The following CSGALNACT1 variants were observed in gnomAD, a reference collection of about 807,000 sequenced individuals.
CSGALNACT1 encodes chondroitin sulfate N-acetylgalactosaminyltransferase 1, also known as beta4GalNAcT-1.
In CSGALNACT1, 52 loss-of-function variants were observed where a neutral mutation model predicts 51.0. The ratio of observed to expected loss-of-function variants is 1.02; its 90% CI spans 0.82 to 1.29. CSGALNACT1 has a LOEUF of 1.29. Ranked by LOEUF, CSGALNACT1 falls within the 50% of genes most tolerant of loss-of-function variation. CSGALNACT1 has a pLI of 0.00. For missense variants in CSGALNACT1, 935 were observed against 679.2 expected (o/e 1.38, Z -4.19); for synonymous variants, 341 against 254.4 (o/e 1.34, Z -3.24).
intron 1 of CSGALNACT1, among the ~76,000 whole-genome samples, chr8:19,649,692 C>T (rs1417944019): frequency 6.6e-6 from 1 of 151,674 alleles, no homozygotes; most frequent in Non-Finnish European, 1.5e-5. Context: ...CACTATCAAG[C>T]CTACTGCCAT....
At chr8:19,587,521 G>A (rs1463830013) in intron 3 of CSGALNACT1, among the ~76,000 whole-genome samples, 2 of 152,118 alleles carry the variant, frequency 1.3e-5, no homozygotes, top group African/African-American at 4.8e-5. Flanking sequence ...CCTAAGTCAT[G>A]ACTAATAACT....
chr8:19,440,346 G>C (rs1189930584), intron 5 of CSGALNACT1, among the ~76,000 whole-genome samples: 1 of 152,020 alleles, frequency 6.6e-6, no homozygotes. Context: ...GAATTCAGCA[G>C]CACATCAAAA....
At chr8:19,667,096 A>G (rs146692809) in intron 1 of CSGALNACT1, among the ~76,000 whole-genome samples, 2 of 117,330 alleles carry the variant, frequency 1.7e-5, no homozygotes, top group African/African-American at 3.3e-5. Flanking sequence ...AGAAAGAAAG[A>G]AAGGGAAAGA....
rs557596007 is a variant in CSGALNACT1, at chr8:19,623,636, G to T, written c.-543-21771C>A. Among the ~76,000 whole-genome samples, 302 of 152,334 alleles carry T rather than the reference G, an allele frequency of 2.0e-3. 3 individuals are homozygous for T. The highest frequency in any genetic ancestry group is 7.0e-3 in the African/African-American group (292 of 41,582). ...TCTCTAAGAATTGAAATTACACAGA[G>T]TAGGTTCACAGACCTCAGTAAAATT... On this transcript the variant is annotated intron_variant, in intron 1 of 9. Transcript: ENST00000332246.
chr8:19,446,523 T>G (rs1314992454), intron 5 of CSGALNACT1, among the ~76,000 whole-genome samples: 1 of 152,114 alleles, frequency 6.6e-6, no homozygotes, highest in Non-Finnish European at 1.5e-5. Flanking sequence ...ATTCATTCAT[T>G]CACTCATTCA....
chr8:19,580,274 C>A (rs981387487), intron 3 of CSGALNACT1, among the ~76,000 whole-genome samples: 2 of 152,174 alleles, frequency 1.3e-5, no homozygotes, highest in Non-Finnish European at 2.9e-5. Flanking sequence ...CCTTTGCACT[C>A]CAAAGCTGTG....
intron 3 of CSGALNACT1, among the ~76,000 whole-genome samples, chr8:19,561,960 C>A (rs2975442): frequency 6.6e-6 from 1 of 152,138 alleles, no homozygotes; most frequent in African/African-American, 2.4e-5. Context: ...CACCCTTGAA[C>A]CTCTAGAATG....
At chr8:19,443,827 C>A (rs955132720) in intron 5 of CSGALNACT1, among the ~76,000 whole-genome samples, 4 of 152,078 alleles carry the variant, frequency 2.6e-5, no homozygotes, top group Non-Finnish European at 4.4e-5. Context: ...CAGCAGCCCC[C>A]AAATTTTGCA....
At chr8:19,655,946 G>T (rs2058233512) in intron 1 of CSGALNACT1, among the ~76,000 whole-genome samples, 1 of 152,126 alleles carries the variant, frequency 6.6e-6, no homozygotes, top group Non-Finnish European at 1.5e-5. Flanking sequence ...ACCATTTGGG[G>T]TTAGAATTGG....
At chr8:19,428,241 C>T (rs1019220832) in intron 6 of CSGALNACT1, among the ~76,000 whole-genome samples, 1 of 152,228 alleles carries the variant, frequency 6.6e-6, no homozygotes. Context: ...TGTTTTCACA[C>T]TGCTAATAAA....
At chr8:19,494,822 C>G (rs13261442) in intron 4 of CSGALNACT1, among the ~76,000 whole-genome samples, 63,786 of 148,746 alleles carry the variant, frequency 0.43, 15,166 homozygotes, top group East Asian at 0.84. Flanking sequence ...AGATGGAACA[C>G]TCCAACGTTA....
chr8:19,623,485 G>T (rs1029545641), intron 1 of CSGALNACT1, among the ~76,000 whole-genome samples: 1 of 152,054 alleles, frequency 6.6e-6, no homozygotes, highest in Admixed American at 6.5e-5. Flanking sequence ...TTTAAGAATT[G>T]AACAATACTA....
At chr8:19,738,295 T>TA (rs1425493700) in intron 1 of CSGALNACT1, among the ~76,000 whole-genome samples, 1 of 152,150 alleles carries the variant, frequency 6.6e-6, no homozygotes, top group East Asian at 1.9e-4. Flanking sequence ...TATTCTGCTT[T>TA]AAAAAGAAAG....
At chr8:19,666,937 GAGAGAAAAAGAAAGAAAGAA>G (rs1564384683) in intron 1 of CSGALNACT1, among the ~76,000 whole-genome samples, 5 of 127,838 alleles carry the variant, frequency 3.9e-5, no homozygotes, top group African/African-American at 1.5e-4. Flanking sequence ...GACAGAGAGA[GAGAGAAAAAGAAAGAAAGAA>G]AGAAAGAAAG....
intron 1 of CSGALNACT1, among the ~76,000 whole-genome samples, chr8:19,721,920 C>G (rs1172964014): frequency 6.6e-6 from 1 of 151,962 alleles, no homozygotes; most frequent in Non-Finnish European, 1.5e-5. Context: ...CCAGGTGTAG[C>G]CAATGTAAAG....
intron 3 of CSGALNACT1, among the ~76,000 whole-genome samples, chr8:19,509,547 G>A (rs112143362): frequency 0.22 from 32,233 of 149,008 alleles, 3,792 homozygotes; most frequent in African/African-American, 0.31. Flanking sequence ...GCTTGAACCC[G>A]GGAGGCAGAG....
chr8:19,544,064 T>C (rs17128621), intron 3 of CSGALNACT1, among the ~76,000 whole-genome samples: 23,618 of 151,970 alleles, frequency 0.16, 1,908 homozygotes, highest in Non-Finnish European at 0.17. Context: ...TTTTCTATTG[T>C]GGGGACATAA....
intron 3 of CSGALNACT1, among the ~76,000 whole-genome samples, chr8:19,536,807 A>C (rs1477017831): frequency 6.6e-6 from 1 of 152,216 alleles, no homozygotes; most frequent in African/African-American, 2.4e-5. Context: ...TGGCAGAGAG[A>C]TAGATATACA....
chr8:19,471,797 A>T (rs573395115), intron 4 of CSGALNACT1, among the ~76,000 whole-genome samples: 2 of 152,322 alleles, frequency 1.3e-5, no homozygotes, highest in African/African-American at 4.8e-5. Flanking sequence ...GATGGGGAAG[A>T]AACAGATTCT....
Sources: gnomAD v4.1 joint callset for allele counts (sites outside exome capture counted in the v4.1 genomes callset) on GRCh38, gnomAD v4.1.1 for gene constraint, MANE v1.5 for transcripts, NCBI Gene and HGNC (gene_info 2026-07-23, HGNC 2026-07-21) for gene names.